The following ATP2B1 variants were observed in gnomAD, a reference collection of about 807,000 sequenced individuals.
ATP2B1 encodes the protein plasma membrane calcium-transporting ATPase 1.
In ATP2B1, 14 loss-of-function variants were observed where a neutral mutation model predicts 124.2. That is an observed-to-expected ratio of 0.11 (90% CI 0.07 to 0.18). The LOEUF is 0.18. Among genes scored for constraint, ATP2B1 ranks in the 10% least tolerant of loss-of-function variants. The pLI is 1.00. For synonymous variants in ATP2B1, 449 were observed against 492.4 expected (o/e 0.91, Z 1.17); for missense variants, 763 against 1,466.1 (o/e 0.52, Z 7.83).
At chr12:89,697,711 G>A (rs1891316310) in intron 1 of ATP2B1, among the ~76,000 whole-genome samples, 1 of 132,282 alleles carries the variant, frequency 7.6e-6, no homozygotes, top group Non-Finnish European at 1.6e-5. Flanking sequence ...AGTCCTCTTA[G>A]TTCCTCCCCA....
At position 89,655,662 on chromosome 12, in the gene ATP2B1, A is replaced by C; in HGVS notation, c.208+17T>G. On this transcript the variant is annotated intron_variant, in intron 2 of 20. Coordinates refer to ENST00000428670, the MANE Select transcript of ATP2B1 (RefSeq NM_001366521.1). ...CTCTTTGCACAAAGAACCAAAAACA[A>C]GCATAATAAAACTCACCTTCATTGG... is the stretch of plus-strand genomic sequence containing the variant. The C allele has an allele frequency of 6.2e-7, 1 of 1,610,526 alleles. No individual in the cohort carries two copies. The highest frequency in any genetic ancestry group is 1.1e-5 in the South Asian group (1 of 90,932).
Position 89,589,025 on chromosome 12 carries a change from T to C in ATP2B1, c.*1959A>G, listed in dbSNP as rs1214604316. ...GTCTTGACTCCTAGTCTAATATGCTTTCCAGCATATCATGCTACCTCTTTT... is the reference window on the plus strand; with the variant it reads ...GTCTTGACTCCTAGTCTAATATGCTCTCCAGCATATCATGCTACCTCTTTT... On this transcript the variant is annotated 3_prime_UTR_variant, in exon 21 of 21. Coordinates refer to ENST00000428670, the MANE Select transcript of ATP2B1 (RefSeq NM_001366521.1). The C allele has an allele frequency of 6.6e-6, 1 of 152,572 alleles. No homozygotes were observed. Among genetic ancestry groups the C allele is most frequent in the African/African-American group, 2.4e-5 (1 of 41,448 alleles). 9.5% of individuals were successfully genotyped at this position (152,572 alleles called of 1,614,324 possible).
At chr12:89,630,035 G>C (rs1292931192) in intron 6 of ATP2B1, among the ~76,000 whole-genome samples, 2 of 152,160 alleles carry the variant, frequency 1.3e-5, no homozygotes, top group African/African-American at 4.8e-5. Context: ...TCTAATGATG[G>C]GCTGAATATA....
intron 3 of ATP2B1, 131 bp from the exon 4 acceptor site, chr12:89,635,382 T>C: frequency 9.0e-7 from 1 of 1,110,480 alleles, no homozygotes; most frequent in Non-Finnish European, 1.2e-6. Context: ...AATACTTTAT[T>C]AAATTCAAAG....
chr12:89,628,294 CAGG>C (rs571475247), intron 6 of ATP2B1, among the ~76,000 whole-genome samples: 161 of 150,810 alleles, frequency 1.1e-3, no homozygotes, highest in Non-Finnish European at 1.8e-3. Context: ...CCCAGCTAGT[CAGG>C]AGGTTGAGGC....
At chr12:89,694,623 A>C (rs906735064) in intron 1 of ATP2B1, among the ~76,000 whole-genome samples, 15 of 152,226 alleles carry the variant, frequency 9.9e-5, no homozygotes, top group Admixed American at 2.6e-4. Flanking sequence ...GGGAGACAGG[A>C]GGAGCAAGTC....
intron 9 of ATP2B1, among the ~76,000 whole-genome samples, chr12:89,623,768 C>T (rs552762000): frequency 1.6e-4 from 24 of 152,308 alleles, no homozygotes; most frequent in African/African-American, 5.1e-4. Context: ...CTCTAATTGT[C>T]ATGAGAACTG....
intron 1 of ATP2B1, 111 bp downstream of exon 1, chr12:89,708,485 A>C (rs1397622798): frequency 1.3e-5 from 2 of 151,624 alleles, no homozygotes; most frequent in African/African-American, 2.4e-5. Context: ...CTGCGCACCC[A>C]GCTATCAGGA....
intron 1 of ATP2B1, among the ~76,000 whole-genome samples, chr12:89,674,375 A>G (rs1400650651): frequency 6.6e-6 from 1 of 151,374 alleles, no homozygotes; most frequent in Non-Finnish European, 1.5e-5. Context: ...AAAAAAAAAA[A>G]GGAAAGGAAA....
chr12:89,706,757 T>C (rs906390332), intron 1 of ATP2B1, among the ~76,000 whole-genome samples: 3 of 152,044 alleles, frequency 2.0e-5, no homozygotes, highest in East Asian at 3.9e-4. Context: ...TAAAAGAAAA[T>C]CACGAAATTT....
At chr12:89,622,931 C>G (rs1880242042) in intron 9 of ATP2B1, among the ~76,000 whole-genome samples, 1 of 152,122 alleles carries the variant, frequency 6.6e-6, no homozygotes, top group Non-Finnish European at 1.5e-5. Context: ...AATGACTACT[C>G]AAAATGAACT....
At chr12:89,704,679 G>A (rs1337190226) in intron 1 of ATP2B1, among the ~76,000 whole-genome samples, 1 of 152,112 alleles carries the variant, frequency 6.6e-6, no homozygotes, top group African/African-American at 2.4e-5. Flanking sequence ...CAGGATTATT[G>A]TGAGAATCAA....
intron 1 of ATP2B1, among the ~76,000 whole-genome samples, chr12:89,700,266 G>A (rs138755682): frequency 9.0e-4 from 137 of 152,180 alleles, no homozygotes; most frequent in Non-Finnish European, 1.5e-3. Context: ...GATGCTAGAG[G>A]AGCTCCCTTT....
chr12:89,639,612 A>C (rs894154643), intron 3 of ATP2B1, among the ~76,000 whole-genome samples: 1 of 150,990 alleles, frequency 6.6e-6, no homozygotes, highest in Non-Finnish European at 1.5e-5. Context: ...GCAAATACTA[A>C]ATAACTTTTC....
rs138501019 is a variant in ATP2B1, at chr12:89,634,967, T to A, written c.661+30A>T. ...GATTACAGTAATTTTATGTTTAGTG[T>A]CAGATGTACTGCTCTTTTTACTTAC... On this transcript the variant is annotated intron_variant, in intron 4 of 20. Transcript: ENST00000428670. 2.6e-4 allele frequency: 420 copies of A among 1,611,702 alleles called. 4 individuals carry two copies. The African/African-American group carries it at 4.6e-3, about 18-fold the overall frequency.
rs1231811828 is a variant in ATP2B1 at position 89,670,145 on chromosome 12, G to T, written c.-221-14038C>A. 2.6e-5 allele frequency among the ~76,000 whole-genome samples: 4 copies of T among 152,114 alleles called. No homozygotes were observed. The South Asian group carries it at 6.2e-4, about 24-fold the overall frequency. On this transcript the variant is annotated intron_variant, in intron 1 of 20. Coordinates refer to ENST00000428670, the MANE Select transcript of ATP2B1 (RefSeq NM_001366521.1). ...ACACAATATTCAGGGGGAAAGCACAGAAATGTATCTACCCAAAGATAGATA... is the reference window on the plus strand; with the variant it reads ...ACACAATATTCAGGGGGAAAGCACATAAATGTATCTACCCAAAGATAGATA...
At chr12:89,670,415 T>A (rs1474324624) in intron 1 of ATP2B1, among the ~76,000 whole-genome samples, 3 of 152,110 alleles carry the variant, frequency 2.0e-5, no homozygotes, top group African/African-American at 7.2e-5. Flanking sequence ...TTTTTGTAGT[T>A]GTTGTTGTTT....
chr12:89,600,682 C>T (rs1875626081), intron 19 of ATP2B1, among the ~76,000 whole-genome samples: 1 of 146,848 alleles, frequency 6.8e-6, no homozygotes, highest in African/African-American at 2.5e-5. Flanking sequence ...AAGTCTCGCT[C>T]TTCTCTCCCT....
At chr12:89,628,515 T>G (rs1039383946) in intron 6 of ATP2B1, among the ~76,000 whole-genome samples, 1 of 150,974 alleles carries the variant, frequency 6.6e-6, no homozygotes, top group Non-Finnish European at 1.5e-5. Flanking sequence ...TTAGTAAAAC[T>G]AGAATACGAA....
Sources: gnomAD v4.1 joint callset for allele counts (sites outside exome capture counted in the v4.1 genomes callset) on GRCh38, gnomAD v4.1.1 for gene constraint, MANE v1.5 for transcripts, NCBI Gene and HGNC (gene_info 2026-07-23, HGNC 2026-07-21) for gene names.